The following CAGE1 variants were observed in gnomAD, a reference collection of about 807,000 sequenced individuals.
CAGE1 encodes the protein cancer antigen 1.
In CAGE1, 66 loss-of-function variants were observed where a neutral mutation model predicts 94.9. The observed-to-expected ratio is 0.70, with a 90% confidence interval of 0.57 to 0.85. The LOEUF is 0.85. Ranked by LOEUF, CAGE1 falls within the 40% of genes least tolerant of loss-of-function variation. The pLI, the probability that CAGE1 is intolerant of heterozygous loss-of-function variation, is 0.00. For missense variants in CAGE1, 865 were observed against 950.4 expected (o/e 0.91, Z 1.18); for synonymous variants, 319 against 321.0 (o/e 0.99, Z 0.07).
At chr6:7,334,724 T>TAAAAAAAAA (rs1758890141) in intron 11 of CAGE1, among the ~76,000 whole-genome samples, 2 of 32,116 alleles carry the variant, frequency 6.2e-5, no homozygotes, top group African/African-American at 7.4e-4. Flanking sequence ...AGACTCTCTC[T>TAAAAAAAAA]CAAAAAAAAA....
intron 9 of CAGE1, among the ~76,000 whole-genome samples, chr6:7,356,741 A>G (rs1391938214): frequency 1.1e-4 from 17 of 152,218 alleles, no homozygotes; most frequent in Non-Finnish European, 1.5e-5. Context: ...GCAATTATAG[A>G]AGAAAAACTA....
rs543722709 is a variant in CAGE1, at chr6:7,345,626, C to T, written c.2369+9415G>A. 7.4e-4 allele frequency among the ~76,000 whole-genome samples: 113 copies of T among 152,274 alleles called. 1 individual carries two copies. Among genetic ancestry groups the T allele is most frequent in the African/African-American group, 2.6e-3 (110 of 41,546 alleles). ...AACAGCTGTTTCTAACGTCTAAGGC[C>T]TGTGAACGGAAAAATTACAGGCCCG... On this transcript the variant is annotated intron_variant, in intron 11 of 13. Coordinates refer to ENST00000502583, the MANE Select transcript of CAGE1 (RefSeq NM_001170692.2).
At chr6:7,381,766 T>G (rs1760941524) in intron 3 of CAGE1, among the ~76,000 whole-genome samples, 1 of 152,004 alleles carries the variant, frequency 6.6e-6, no homozygotes, top group Non-Finnish European at 1.5e-5. Context: ...TGACCTCATG[T>G]GATCTGCCCA....
intron 11 of CAGE1, among the ~76,000 whole-genome samples, chr6:7,349,098 G>C (rs1464968795): frequency 6.6e-6 from 1 of 152,166 alleles, no homozygotes; most frequent in Non-Finnish European, 1.5e-5. Context: ...CATCGCCTAG[G>C]TACATTGTCA....
At position 7,378,705 on chromosome 6, in the gene CAGE1, A is replaced by G. The variant is rs1434162021; in HGVS notation, c.599T>C (p.Met200Thr). ...CAGTGACTTTTCTGTAAATTTCAGC[A>G]TCTCTCCACTGCAGTGGATTAGAGG... ...SPPLIHCSGE[M>T]LKFTEKSLAK... The change falls in exon 4 of 14, where the codon ATG becomes ACG. Residue 200 changes from methionine to threonine, a missense_variant. By Grantham distance (81) the Met-to-Thr change is moderately conservative. Coordinates refer to ENST00000502583, the MANE Select transcript of CAGE1 (RefSeq NM_001170692.2). The G allele has an allele frequency of 2.5e-6, 4 of 1,613,386 alleles. No individual in the cohort carries two copies. The highest frequency in any genetic ancestry group is 3.3e-5 in the Admixed American group (2 of 59,900).
intron 9 of CAGE1, among the ~76,000 whole-genome samples, chr6:7,359,906 T>C (rs1010922416): frequency 6.6e-6 from 1 of 152,158 alleles, no homozygotes; most frequent in African/African-American, 2.4e-5. Context: ...AAAGTGATTA[T>C]CTTATAGTTC....
chr6:7,337,558 A>G (rs1759005365), intron 11 of CAGE1, among the ~76,000 whole-genome samples: 1 of 152,184 alleles, frequency 6.6e-6, no homozygotes, highest in African/African-American at 2.4e-5. Context: ...GAGTGTATAA[A>G]TCAAAGTTAA....
intron 3 of CAGE1, among the ~76,000 whole-genome samples, chr6:7,379,461 A>G (rs1760861629): frequency 6.6e-6 from 1 of 152,202 alleles, no homozygotes; most frequent in Non-Finnish European, 1.5e-5. Flanking sequence ...AAGGAAACTG[A>G]AGTGTAAGAG....
At chr6:7,330,861 T>A (rs1408252478) in intron 12 of CAGE1, among the ~76,000 whole-genome samples, 1 of 152,128 alleles carries the variant, frequency 6.6e-6, no homozygotes, top group African/African-American at 2.4e-5. Flanking sequence ...ATTGTGAAAA[T>A]AGGCCAAATA....
In CAGE1 at chr6:7,339,141, CAG is replaced by C. The variant is rs1759075872; in HGVS notation, c.2370-5053_2370-5052del. ...CTTCATGGATTTAGCTCTCTGTCCTCAGAGTTTCCCAGACACCACGACCTCAC... is the reference window on the plus strand; with the variant it reads ...CTTCATGGATTTAGCTCTCTGTCCTCAGTTTCCCAGACACCACGACCTCAC... On this transcript the variant is annotated intron_variant, in intron 11 of 13. Transcript: ENST00000502583. This position sits in a 1 kb window ranked among gnomAD's most constrained non-coding sequence, Gnocchi z 4.7. The C allele has an allele frequency of 1.9e-6, 3 of 1,540,644 alleles. No homozygotes were observed. Among genetic ancestry groups the C allele is most frequent in the African/African-American group, 1.4e-5 (1 of 73,588 alleles).
intron 1 of CAGE1, among the ~76,000 whole-genome samples, chr6:7,388,864 C>T (rs1016981139): frequency 1.3e-5 from 2 of 152,170 alleles, no homozygotes; most frequent in African/African-American, 4.8e-5. Flanking sequence ...GCTTTGTTTT[C>T]CCAATGCAAA....
At position 7,378,900 on chromosome 6, in the gene CAGE1, T is replaced by C; in HGVS notation, c.404A>G (p.Asp135Gly). 1 of 1,609,204 alleles carries C rather than the reference T, an allele frequency of 6.2e-7. No homozygotes were observed. The highest frequency in any genetic ancestry group is 8.5e-7 in the Non-Finnish European group (1 of 1,177,108). ...CKFHWVEAFD[D>G]EMTEKPEFQS... is the part of the protein sequence containing the mutation. ...AAATTCTGGCTTCTCTGTCATTTCA[T>C]CATCAAATGCTTCTACCCAGTGAAA... Residue 135 changes from aspartate to glycine, a missense_variant, in exon 4 of 14, where the codon GAT (aspartate) becomes GGT (glycine). By Grantham distance (94) the Asp-to-Gly change is moderately conservative. Coordinates refer to ENST00000502583, the MANE Select transcript of CAGE1 (RefSeq NM_001170692.2).
chr6:7,336,505 G>A (rs1385208469), intron 11 of CAGE1, among the ~76,000 whole-genome samples: 1 of 118,508 alleles, frequency 8.4e-6, no homozygotes, highest in Admixed American at 8.4e-5. Context: ...TGACATGAGT[G>A]TATTTCTTTC....
chr6:7,371,887 T>C (rs1411944512), intron 5 of CAGE1, among the ~76,000 whole-genome samples: 1 of 152,250 alleles, frequency 6.6e-6, no homozygotes, highest in Non-Finnish European at 1.5e-5. Context: ...GATTTTACTA[T>C]ACATACTTTA....
chr6:7,362,588 G>A lies in CAGE1; in HGVS notation c.2193+2880C>T, dbSNP rs959778456. ...AACTGTGAAGAGGAGCCAACGGCAA[G>A]GGGTCAGAAGGACATGAGAGAAGCA... On this transcript the variant is annotated intron_variant, in intron 9 of 13. Coordinates refer to ENST00000502583, the MANE Select transcript of CAGE1 (RefSeq NM_001170692.2). This position sits in a 1 kb window ranked among gnomAD's most constrained non-coding sequence, Gnocchi z 4.1. Among the ~76,000 whole-genome samples, 2 of 152,214 alleles carry A rather than the reference G, an allele frequency of 1.3e-5. No individual in the cohort carries two copies. Among genetic ancestry groups the A allele is most frequent in the Non-Finnish European group, 2.9e-5 (2 of 68,032 alleles).
chr6:7,381,289 G>C (rs972405098), intron 3 of CAGE1, among the ~76,000 whole-genome samples: 1 of 152,208 alleles, frequency 6.6e-6, no homozygotes, highest in African/African-American at 2.4e-5. Context: ...AGGAGGAAGA[G>C]ACAGCAGCAA....
Position 7,327,879 on chromosome 6 carries a change from G to A in CAGE1, c.2479-980C>T, listed in dbSNP as rs959503405. On this transcript the variant is annotated intron_variant, in intron 13 of 13. Transcript: ENST00000502583. ...CCGGAAGTGGAGGTTGCAGTGAGCC[G>A]AGATTGCGCCATTGCACTCCAGCCT... 4.6e-5 allele frequency among the ~76,000 whole-genome samples: 7 copies of A among 152,060 alleles called. No homozygotes were observed. In the East Asian group the frequency reaches 7.7e-4, roughly 17 times the overall value.
At position 7,371,844 on chromosome 6, in the gene CAGE1, T is replaced by C. The variant is rs533193541; in HGVS notation, c.1746+1229A>G. 7.2e-5 allele frequency among the ~76,000 whole-genome samples: 11 copies of C among 152,288 alleles called. No homozygotes were observed. In the South Asian group the frequency reaches 2.3e-3, roughly 32 times the overall value. Reference sequence around the variant, plus strand: ...TAAACTTACACATTTTTCTAGTTCATATTAGCCTTCTTTCTAAGTAATCAT... The same window carrying C: ...TAAACTTACACATTTTTCTAGTTCACATTAGCCTTCTTTCTAAGTAATCAT... On this transcript the variant is annotated intron_variant, in intron 5 of 13. Transcript: ENST00000502583.
chr6:7,346,718 T>C (rs9379096), intron 11 of CAGE1, among the ~76,000 whole-genome samples: 23,703 of 150,706 alleles, frequency 0.16, 4,007 homozygotes, highest in African/African-American at 0.43. Context: ...GGTGTGGTAG[T>C]GCACACCTGT....
Sources: allele counts gnomAD v4.1 joint callset (sites outside exome capture counted in the v4.1 genomes callset), GRCh38; gene constraint gnomAD v4.1.1; non-coding constraint Gnocchi (gnomAD v3.1); transcripts MANE v1.5; gene names NCBI Gene and HGNC (gene_info 2026-07-23, HGNC 2026-07-21).